The following CCNI variants were observed in gnomAD, a reference collection of about 807,000 sequenced individuals.
CCNI encodes the protein cyclin-I.
In CCNI, 14 loss-of-function variants were observed where a neutral mutation model predicts 34.1. The observed-to-expected ratio is 0.41, with a 90% CI of 0.27 to 0.64. The LOEUF is 0.64. CCNI is among the 30% of genes least tolerant of loss of function. The pLI is 0.31. For missense variants in CCNI, 385 were observed against 440.5 expected, an observed-to-expected ratio of 0.87 and a Z score of 1.13; for synonymous variants, 154 against 158.4, an observed-to-expected ratio of 0.97 and a Z score of 0.21.
chr4:77,059,106 A>G (rs890330235), intron 2 of CCNI, among the ~76,000 whole-genome samples: 2 of 152,266 alleles, frequency 1.3e-5, no homozygotes, highest in African/African-American at 2.4e-5. Context: ...AATCAATAGT[A>G]ATAAGTAAAA....
chr4:77,073,762 T>A (rs1029401659), intron 1 of CCNI, among the ~76,000 whole-genome samples: 1 of 152,230 alleles, frequency 6.6e-6, no homozygotes, highest in African/African-American at 2.4e-5. Context: ...TACTTGGACA[T>A]AATTCTACCT....
chr4:77,056,785 G>A (rs1728272663), intron 3 of CCNI, among the ~76,000 whole-genome samples: 1 of 151,842 alleles, frequency 6.6e-6, no homozygotes, highest in South Asian at 2.1e-4. Context: ...TAGAGACGGG[G>A]GTTTCACTGT....
chr4:77,074,718 G>A (rs1729764829), intron 1 of CCNI: 1 of 152,188 alleles, frequency 6.6e-6, no homozygotes, highest in South Asian at 2.1e-4. Context: ...TCTAAGTCGA[G>A]TGGCTCCCCA....
rs1161522957 is a variant in CCNI at position 77,058,538 on chromosome 4, C to G, written c.212G>C (p.Ser71Thr). ...LYPETFALASSLLDRFLATVK... is the reference protein window; with the variant it reads ...LYPETFALASTLLDRFLATVK... ...GGTAGCTAAAAACCTATCCAAAAGA[C>G]TGCTAGCCAGAGCAAATGTTTCTGG... is the stretch of plus-strand genomic sequence containing the variant. The change falls in exon 3 of 7, where the codon AGT becomes ACT. Residue 71 changes from serine (S) to threonine (T), a missense_variant. This residue lies in a region of CCNI where 135 missense variants were observed against 191.8 expected (regional missense o/e 0.70). Coordinates refer to ENST00000237654, the MANE Select transcript of CCNI (RefSeq NM_006835.3). The G allele has an allele frequency of 2.5e-6, 4 of 1,613,580 alleles. No individual in the cohort carries two copies. The South Asian group carries it at 4.4e-5, about 18-fold the overall frequency.
At position 77,075,653 on chromosome 4, in the gene CCNI, G is replaced by GCGGGCT; in HGVS notation, c.-226_-225insAGCCCG. The stretch of plus-strand genomic sequence containing the variant: ...GGGAAGCGGATCGGGGGGCGCGGGC[G>GCGGGCT]CGGGCGCTGGCGCTCGAGCGGGACG... On this transcript the variant is annotated 5_prime_UTR_variant, in exon 1 of 7. Transcript: ENST00000237654. 1 of 779,800 alleles carries GCGGGCT rather than the reference G, an allele frequency of 1.3e-6. No individual in the cohort carries two copies. Among genetic ancestry groups the GCGGGCT allele is most frequent in the Non-Finnish European group, 1.6e-6 (1 of 640,786 alleles). 48.3% of individuals were successfully genotyped at this position (779,800 alleles called of 1,614,324 possible). A position where few individuals can be genotyped will look rare whatever the true frequency, so the allele number is the denominator to read the frequency against.
At chr4:77,053,796 A>G (rs1324443639) in intron 6 of CCNI, among the ~76,000 whole-genome samples, 2 of 152,162 alleles carry the variant, frequency 1.3e-5, no homozygotes, top group African/African-American at 4.8e-5. Context: ...TTTTCTTTCT[A>G]ACACTCCAGG....
intron 1 of CCNI, among the ~76,000 whole-genome samples, chr4:77,069,721 A>C (rs1729320372): frequency 6.6e-6 from 1 of 151,714 alleles, no homozygotes; most frequent in Middle Eastern, 3.4e-3. Flanking sequence ...CAATTGTTCC[A>C]GTTTCAACCA....
In CCNI at chr4:77,056,331, T is replaced by A. The variant is rs1728226129; in HGVS notation, c.244-8A>T. The A allele has an allele frequency of 3.1e-6, 5 of 1,606,128 alleles. No individual in the cohort carries two copies. The African/African-American group carries it at 5.4e-5, about 17-fold the overall frequency. On this transcript the variant is annotated splice_polypyrimidine_tract_variant and splice_region_variant and intron_variant, in intron 3 of 6. Transcript: ENST00000237654. ...CAAGTATTTTGGATGAGCCTAAAAT[T>A]TTGAAGAGGGAAAAAGCAACTTTAG...
At chr4:77,073,979 G>C (rs866183170) in intron 1 of CCNI, among the ~76,000 whole-genome samples, 1 of 149,178 alleles carries the variant, frequency 6.7e-6, no homozygotes, top group Non-Finnish European at 1.5e-5. Flanking sequence ...ACAATTTGAT[G>C]AAACTGTGGA....
Position 77,075,545 on chromosome 4 carries a change from C to CG in CCNI, c.-118dup. 1 of 988,552 alleles carries CG rather than the reference C, an allele frequency of 1.0e-6. No individual in the cohort carries two copies. The highest frequency in any genetic ancestry group is 1.2e-6 in the Non-Finnish European group (1 of 830,710). 61.2% of individuals were successfully genotyped at this position (988,552 alleles called of 1,614,324 possible). On this transcript the variant is annotated 5_prime_UTR_variant, in exon 1 of 7. Transcript: ENST00000237654. ...CTCACAGTGGTGACGCGGGGTCATC[C>CG]GGGGGCCCGTTACCACCTCATTCTC...
At chr4:77,075,095 C>A (rs1729800735) in intron 1 of CCNI, 1 of 152,126 alleles carries the variant, frequency 6.6e-6, no homozygotes, top group Non-Finnish European at 1.5e-5. Context: ...GAGAATCGTT[C>A]AACCTGAGGG....
intron 1 of CCNI, among the ~76,000 whole-genome samples, chr4:77,067,322 G>A (rs567764791): frequency 6.6e-5 from 10 of 152,110 alleles, no homozygotes; most frequent in South Asian, 6.2e-4. Context: ...ATACTATATC[G>A]GACAGTGCAC....
At chr4:77,069,250 C>G (rs748034953) in intron 1 of CCNI, among the ~76,000 whole-genome samples, 81 of 152,180 alleles carry the variant, frequency 5.3e-4, no homozygotes, top group Non-Finnish European at 1.0e-3. Context: ...AACTCCATCT[C>G]TATAAAACAT....
intron 1 of CCNI, among the ~76,000 whole-genome samples, chr4:77,072,452 C>CAAA (rs11327592): frequency 7.1e-4 from 44 of 62,210 alleles, no homozygotes; most frequent in African/African-American, 2.1e-3. Context: ...CTGTCTCCAC[C>CAAA]AAAAAAAAAA....
rs747216076 is a variant in CCNI at position 77,056,345 on chromosome 4, A to G, written c.244-22T>C. Reference sequence around the variant, plus strand: ...GAGCCTAAAATTTTGAAGAGGGAAAAAGCAACTTTAGTGATTTTTCAAAAA... The same window carrying G: ...GAGCCTAAAATTTTGAAGAGGGAAAGAGCAACTTTAGTGATTTTTCAAAAA... On this transcript the variant is annotated intron_variant, in intron 3 of 6. Coordinates refer to ENST00000237654, the MANE Select transcript of CCNI (RefSeq NM_006835.3). 7 of 1,559,176 alleles carry G rather than the reference A, an allele frequency of 4.5e-6. No homozygotes were observed. In the African/African-American group the frequency reaches 5.4e-5, roughly 12 times the overall value.
At position 77,075,645 on chromosome 4, in the gene CCNI, G is replaced by T. The variant is rs967417011; in HGVS notation, c.-217C>A. The T allele has an allele frequency of 7.0e-6, 5 of 712,342 alleles. No individual in the cohort carries two copies. Among genetic ancestry groups the T allele is most frequent in the East Asian group, 3.2e-4 (2 of 6,304 alleles). 44.1% of individuals were successfully genotyped at this position (712,342 alleles called of 1,614,324 possible). On this transcript the variant is annotated 5_prime_UTR_variant, in exon 1 of 7. Coordinates refer to ENST00000237654, the MANE Select transcript of CCNI (RefSeq NM_006835.3). ...GGAGAAAGGGGAAGCGGATCGGGGGGCGCGGGCGCGGGCGCTGGCGCTCGA... is the reference window on the plus strand; with the variant it reads ...GGAGAAAGGGGAAGCGGATCGGGGGTCGCGGGCGCGGGCGCTGGCGCTCGA...
chr4:77,067,682 T>C (rs1333262998), intron 1 of CCNI, among the ~76,000 whole-genome samples: 1 of 142,978 alleles, frequency 7.0e-6, no homozygotes, highest in Non-Finnish European at 1.5e-5. Context: ...TTTTTTTTTT[T>C]GTAGAGATGC....
intron 6 of CCNI, among the ~76,000 whole-genome samples, chr4:77,053,357 C>T (rs1036415921): frequency 3.9e-5 from 6 of 152,098 alleles, no homozygotes; most frequent in African/African-American, 1.4e-4. Flanking sequence ...GTTCCCTACA[C>T]CAGAGCTATA....
chr4:77,056,820 T>C (rs1413246466), intron 3 of CCNI, among the ~76,000 whole-genome samples: 2 of 152,084 alleles, frequency 1.3e-5, no homozygotes, highest in Non-Finnish European at 2.9e-5. Context: ...TCTCATCTCC[T>C]GACCTCGTGA....
Sources: gnomAD v4.1 joint callset for allele counts (sites outside exome capture counted in the v4.1 genomes callset) on GRCh38, gnomAD v4.1.1 for gene constraint, gnomAD v4.1.1 regional missense constraint, MANE v1.5 for transcripts, NCBI Gene and HGNC (gene_info 2026-07-23, HGNC 2026-07-21) for gene names.